The following ZNF407 variants were observed in gnomAD, a reference collection of about 807,000 sequenced individuals.
ZNF407 encodes zinc finger protein 407.
In ZNF407, 17 loss-of-function variants were observed where a neutral mutation model predicts 131.2. That is an observed-to-expected ratio of 0.13 (90% CI 0.09 to 0.19). ZNF407 has a LOEUF of 0.19. ZNF407 is among the 10% of genes least tolerant of loss of function. The probability of loss-of-function intolerance (pLI) is 1.00; values close to 1 mark genes in which losing one functional copy is unlikely to be tolerated. For synonymous variants in ZNF407, 1,156 were observed against 1,062.0 expected (o/e 1.09, Z -1.72); for missense variants, 2,681 against 2,830.6 (o/e 0.95, Z 1.20).
chr18:74,721,007 GT>G (rs201760123), intron 3 of ZNF407, among the ~76,000 whole-genome samples: 8 of 148,634 alleles, frequency 5.4e-5, no homozygotes, highest in African/African-American at 1.7e-4. Context: ...CATTTTCAGA[GT>G]TTTTTTTTCT....
chr18:74,673,582 A>C (rs140646942), intron 3 of ZNF407, among the ~76,000 whole-genome samples: 3 of 152,336 alleles, frequency 2.0e-5, no homozygotes, highest in Non-Finnish European at 2.9e-5. Flanking sequence ...GACTGTGGAT[A>C]CTGTGATGTG....
At position 74,632,331 on chromosome 18, in the gene ZNF407, G is replaced by T. The variant is rs756649446; in HGVS notation, c.1312G>T (p.Gly438Cys). Reference sequence around the variant, plus strand: ...ACGAAGCAGCACTTTCACCTTGAAGGGCCAGGCAAAGAAAAGGTTTAATCT... The same window carrying T: ...ACGAAGCAGCACTTTCACCTTGAAGTGCCAGGCAAAGAAAAGGTTTAATCT... ...RRRSSTFTLK[G>C]QAKKRFNLLG... Residue 438 changes from glycine (G) to cysteine (C), a missense_variant, in exon 2 of 9, where the codon GGC becomes TGC. Physicochemically the swap from Gly to Cys is radical, Grantham distance 159. Coordinates refer to ENST00000299687, the MANE Select transcript of ZNF407 (RefSeq NM_017757.3). The T allele has an allele frequency of 6.2e-7, 1 of 1,613,992 alleles. No homozygotes were observed. The highest frequency in any genetic ancestry group is 1.1e-5 in the South Asian group (1 of 91,090).
At chr18:74,975,980 T>C (rs1229491444) in intron 8 of ZNF407, among the ~76,000 whole-genome samples, 1 of 152,224 alleles carries the variant, frequency 6.6e-6, no homozygotes, top group Non-Finnish European at 1.5e-5. Flanking sequence ...CTTAGGAGTT[T>C]TCTTTTTTTA....
chr18:74,852,258 T>A (rs1255075346), intron 4 of ZNF407, among the ~76,000 whole-genome samples: 1 of 152,110 alleles, frequency 6.6e-6, no homozygotes, highest in Admixed American at 6.5e-5. Flanking sequence ...CTAAAATAAT[T>A]TAACAGAAAT....
intron 8 of ZNF407, among the ~76,000 whole-genome samples, chr18:74,933,535 G>T (rs1337867304): frequency 6.6e-6 from 1 of 152,198 alleles, no homozygotes; most frequent in Non-Finnish European, 1.5e-5. Context: ...ACATAAAACT[G>T]ATTAGGATGG....
At chr18:74,695,238 T>C (rs372959758) in intron 3 of ZNF407, among the ~76,000 whole-genome samples, 46 of 152,330 alleles carry the variant, frequency 3.0e-4, no homozygotes, top group East Asian at 2.1e-3. Flanking sequence ...CAATATATGT[T>C]GCTGAAATTA....
chr18:74,736,739 G>A (rs572944516), intron 3 of ZNF407, among the ~76,000 whole-genome samples: 5 of 152,196 alleles, frequency 3.3e-5, no homozygotes, highest in Admixed American at 6.5e-5. Flanking sequence ...AAATAAAAAC[G>A]AGAATAAATT....
At chr18:74,834,842 T>G (rs923541763) in intron 4 of ZNF407, among the ~76,000 whole-genome samples, 4 of 152,216 alleles carry the variant, frequency 2.6e-5, no homozygotes, top group African/African-American at 9.7e-5. Flanking sequence ...GTTAGATGCC[T>G]TCCAGAGTTC....
At chr18:74,957,855 A>G (rs1461588444) in intron 8 of ZNF407, among the ~76,000 whole-genome samples, 2 of 152,228 alleles carry the variant, frequency 1.3e-5, no homozygotes, top group African/African-American at 2.4e-5. Context: ...AACAAGCGGC[A>G]GCCCTCCAGG....
chr18:74,671,666 C>T (rs769995525), intron 3 of ZNF407, among the ~76,000 whole-genome samples: 4 of 152,158 alleles, frequency 2.6e-5, no homozygotes, highest in Non-Finnish European at 4.4e-5. Context: ...CCTCCAGCTC[C>T]ATCCATGTAC....
intron 8 of ZNF407, among the ~76,000 whole-genome samples, chr18:75,060,525 C>A (rs1371911457): frequency 2.5e-4 from 7 of 28,268 alleles, no homozygotes; most frequent in East Asian, 1.5e-3. Context: ...TTTTTTTTTG[C>A]GACGGAGTCT....
chr18:74,842,600 ATG>A (rs10533228), intron 4 of ZNF407, among the ~76,000 whole-genome samples: 6,060 of 150,414 alleles, frequency 0.04, 292 homozygotes, highest in African/African-American at 0.11. Context: ...TTCCCTAGTG[ATG>A]TGTGTGTGTG....
intron 8 of ZNF407, among the ~76,000 whole-genome samples, chr18:75,052,943 G>A (rs1441860839): frequency 6.6e-6 from 1 of 152,224 alleles, no homozygotes; most frequent in South Asian, 2.1e-4. Context: ...GTGAAAAGGC[G>A]AAATAGTGTT....
chr18:74,888,526 T>C (rs1971341809), intron 6 of ZNF407, among the ~76,000 whole-genome samples: 1 of 152,292 alleles, frequency 6.6e-6, no homozygotes, highest in East Asian at 1.9e-4. Flanking sequence ...AGAGGCTAAA[T>C]TTTCATCTGA....
chr18:74,685,364 TC>T (rs1967073113), intron 3 of ZNF407, among the ~76,000 whole-genome samples: 1 of 152,200 alleles, frequency 6.6e-6, no homozygotes, highest in African/African-American at 2.4e-5. Context: ...CTGCTCACCA[TC>T]TATCCTGGCA....
Position 75,064,670 on chromosome 18 carries a change from G to A in ZNF407, c.*202G>A, listed in dbSNP as rs777235776. 2.0e-6 allele frequency: 1 copy of A among 497,896 alleles called. No individual in the cohort carries two copies. The highest frequency in any genetic ancestry group is 3.4e-6 in the Non-Finnish European group (1 of 293,580). The allele number at this position is 497,896 out of a possible 1,614,324, so 30.8% of individuals were successfully genotyped here. A position where few individuals can be genotyped will look rare whatever the true frequency, so the allele number is the denominator to read the frequency against. On this transcript the variant is annotated 3_prime_UTR_variant, in exon 9 of 9. Coordinates refer to ENST00000299687, the MANE Select transcript of ZNF407 (RefSeq NM_017757.3). ...AGGGTACCGTGGGCTGGGCCTCGGG[G>A]AGCAGGCTGCCAAGTGCAGGGGAGG...
intron 8 of ZNF407, among the ~76,000 whole-genome samples, chr18:75,028,748 G>A (rs1973201350): frequency 6.6e-6 from 1 of 152,168 alleles, no homozygotes; most frequent in African/African-American, 2.4e-5. Flanking sequence ...GAGATTACAA[G>A]CCTCTGTGCC....
At chr18:74,701,343 C>T (rs1967489488) in intron 3 of ZNF407, among the ~76,000 whole-genome samples, 1 of 152,208 alleles carries the variant, frequency 6.6e-6, no homozygotes, top group Admixed American at 6.5e-5. Context: ...AAAGAAATAA[C>T]TATTATTGCA....
At chr18:74,951,615 A>G (rs1972215330) in intron 8 of ZNF407, among the ~76,000 whole-genome samples, 2 of 152,124 alleles carry the variant, frequency 1.3e-5, no homozygotes, top group South Asian at 2.1e-4. Flanking sequence ...AACCTTAAAC[A>G]TGGCATTTTT....
Sources: allele counts gnomAD v4.1 joint callset (sites outside exome capture counted in the v4.1 genomes callset), GRCh38; gene constraint gnomAD v4.1.1; transcripts MANE v1.5; gene names NCBI Gene and HGNC (gene_info 2026-07-23, HGNC 2026-07-21).